The following TRAF3 variants were observed in gnomAD, a reference collection of about 807,000 sequenced individuals.
The protein encoded by TRAF3 is TNF receptor associated factor 3.
In TRAF3, 13 loss-of-function variants were observed where a neutral mutation model predicts 62.3. That is an observed-to-expected ratio of 0.21 (90% CI 0.14 to 0.33). The LOEUF is 0.33. TRAF3 is among the 10% of genes least tolerant of loss of function. The pLI, the probability that TRAF3 is intolerant of heterozygous loss-of-function variation, is 1.00. For missense variants in TRAF3, 440 were observed against 741.8 expected, an observed-to-expected ratio of 0.59 and a Z score of 4.73; for synonymous variants, 269 against 283.4, an observed-to-expected ratio of 0.95 and a Z score of 0.51.
intron 2 of TRAF3, among the ~76,000 whole-genome samples, chr14:102,856,439 G>A (rs966997822): frequency 6.6e-6 from 1 of 152,188 alleles, no homozygotes; most frequent in Admixed American, 6.5e-5. Context: ...GGTGCTGGTG[G>A]AAGTGTCTTT....
intron 1 of TRAF3, among the ~76,000 whole-genome samples, chr14:102,799,914 C>G (rs1898291962): frequency 6.6e-6 from 1 of 152,098 alleles, no homozygotes; most frequent in South Asian, 2.1e-4. Flanking sequence ...GCTGTGATCC[C>G]CAGAACCTGG....
At chr14:102,782,728 C>G (rs1897318002) in intron 1 of TRAF3, among the ~76,000 whole-genome samples, 1 of 151,452 alleles carries the variant, frequency 6.6e-6, no homozygotes, top group South Asian at 2.1e-4. Flanking sequence ...TAAATGGAGG[C>G]TATTTGGTGG....
At chr14:102,798,884 T>G (rs1359811608) in intron 1 of TRAF3, among the ~76,000 whole-genome samples, 1 of 152,200 alleles carries the variant, frequency 6.6e-6, no homozygotes, top group African/African-American at 2.4e-5. Context: ...AAATTCAGAC[T>G]GCCAGTTTCA....
At chr14:102,865,492 T>C (rs1195769187) in intron 2 of TRAF3, among the ~76,000 whole-genome samples, 2 of 151,186 alleles carry the variant, frequency 1.3e-5, no homozygotes. Flanking sequence ...CATAAGTTAA[T>C]CTGAATTTTT....
In TRAF3 at chr14:102,886,185, G is replaced by A. The variant is rs1404946208; in HGVS notation, c.571-4G>A. ...AAAGTTGATAGTACTTTCTCTCTCT[G>A]TAGAAACACGAAGACACCGACTGTC... On this transcript the variant is annotated splice_polypyrimidine_tract_variant and splice_region_variant and intron_variant, in intron 6 of 11. Transcript: ENST00000392745. 1.2e-6 allele frequency: 2 copies of A among 1,612,682 alleles called. No individual in the cohort carries two copies. Among genetic ancestry groups the A allele is most frequent in the African/African-American group, 2.7e-5 (2 of 74,848 alleles).
intron 1 of TRAF3, among the ~76,000 whole-genome samples, chr14:102,800,994 G>A (rs957639989): frequency 2.7e-5 from 4 of 147,250 alleles, no homozygotes; most frequent in South Asian, 2.2e-4. Flanking sequence ...GTGAAACCCC[G>A]TCTCTACTAA....
chr14:102,864,983 C>T (rs762407585), intron 2 of TRAF3, among the ~76,000 whole-genome samples: 1 of 152,222 alleles, frequency 6.6e-6, no homozygotes, highest in South Asian at 2.1e-4. Flanking sequence ...TAAAACTCTC[C>T]TTTGCTCAGG....
At chr14:102,882,748 G>A (rs1889143339) in intron 6 of TRAF3, among the ~76,000 whole-genome samples, 1 of 152,054 alleles carries the variant, frequency 6.6e-6, no homozygotes, top group African/African-American at 2.4e-5. Flanking sequence ...ATGTGCTGAG[G>A]ATGCATGGAA....
intron 1 of TRAF3, among the ~76,000 whole-genome samples, chr14:102,798,021 G>A (rs1474546119): frequency 2.6e-5 from 4 of 152,054 alleles, no homozygotes; most frequent in Non-Finnish European, 5.9e-5. Flanking sequence ...ACAGGTGTGA[G>A]CCACCACGCC....
At chr14:102,779,482 C>T (rs1300962249) in intron 1 of TRAF3, among the ~76,000 whole-genome samples, 1 of 152,084 alleles carries the variant, frequency 6.6e-6, no homozygotes, top group Non-Finnish European at 1.5e-5. Flanking sequence ...TATCCCTACT[C>T]TTGTTTGTGC....
At chr14:102,905,174 C>G in intron 11 of TRAF3, 39 bp from the exon 12 acceptor site, 1 of 1,586,834 alleles carries the variant, frequency 6.3e-7, no homozygotes, top group Non-Finnish European at 8.6e-7. Context: ...CTCTGACGTT[C>G]ACCTGTCTCA....
chr14:102,851,085 G>A (rs1266581502), intron 2 of TRAF3, among the ~76,000 whole-genome samples: 1 of 152,072 alleles, frequency 6.6e-6, no homozygotes, highest in South Asian at 2.1e-4. Flanking sequence ...ACATTAATTG[G>A]CAAGTTACTA....
rs534609635 is a variant in TRAF3 at position 102,907,636 on chromosome 14, C to A, written c.*1852C>A. On this transcript the variant is annotated 3_prime_UTR_variant, in exon 12 of 12. Transcript: ENST00000392745. ...CCTGCCTCGGCTCTCCCCGTGGCCG[C>A]GCGGGGACAGCTTGGTGGGTGCCCG... The A allele has an allele frequency of 2.0e-5, 3 of 152,298 alleles. No individual in the cohort carries two copies. Among genetic ancestry groups the A allele is most frequent in the African/African-American group, 7.2e-5 (3 of 41,458 alleles). The allele number at this position is 152,298 out of a possible 1,614,324, so 9.4% of individuals were successfully genotyped here.
At chr14:102,820,119 C>T (rs765723461) in intron 1 of TRAF3, among the ~76,000 whole-genome samples, 33 of 152,328 alleles carry the variant, frequency 2.2e-4, no homozygotes, top group Non-Finnish European at 1.5e-4. Context: ...CTGTCATCTC[C>T]CCCTTTCCTT....
chr14:102,851,571 C>T (rs965100750), intron 2 of TRAF3, among the ~76,000 whole-genome samples: 2 of 152,154 alleles, frequency 1.3e-5, no homozygotes, highest in African/African-American at 2.4e-5. Context: ...GGTGAAAGCC[C>T]GTCTCTACTA....
chr14:102,898,336 A>G (rs1231302858), intron 10 of TRAF3, among the ~76,000 whole-genome samples: 1 of 152,274 alleles, frequency 6.6e-6, no homozygotes, highest in Non-Finnish European at 1.5e-5. Context: ...TAGAAAAGGC[A>G]CAAGTCATTA....
intron 2 of TRAF3, among the ~76,000 whole-genome samples, chr14:102,842,309 A>G (rs1012480254): frequency 2.0e-5 from 3 of 148,042 alleles, no homozygotes; most frequent in Non-Finnish European, 4.5e-5. Context: ...AATAAAATAA[A>G]TTTATATATA....
At position 102,903,792 on chromosome 14, in the gene TRAF3, C is replaced by A. The variant is rs1273011476; in HGVS notation, c.1135+363C>A. The A allele has an allele frequency of 6.2e-6, 3 of 483,532 alleles. No homozygotes were observed. Among genetic ancestry groups the A allele is most frequent in the African/African-American group, 5.9e-5 (3 of 51,184 alleles). 30.0% of individuals were successfully genotyped at this position (483,532 alleles called of 1,614,324 possible). A position where few individuals can be genotyped will look rare whatever the true frequency, so the allele number is the denominator to read the frequency against. ...ACCTGCTGGTCGGGGCGCCCCAGAC[C>A]CCACTCCTAAGGGCCAGGGGGCAGC... On this transcript the variant is annotated intron_variant, in intron 11 of 11. Transcript: ENST00000392745. This position sits in a 1 kb window ranked among gnomAD's most constrained non-coding sequence, Gnocchi z 6.4.
At chr14:102,864,216 A>T (rs1469350767) in intron 2 of TRAF3, among the ~76,000 whole-genome samples, 1 of 141,066 alleles carries the variant, frequency 7.1e-6, no homozygotes, top group East Asian at 2.0e-4. Flanking sequence ...TGGCGCCATC[A>T]CGGCTCACTG....
Sources: gnomAD v4.1 joint callset for allele counts (sites outside exome capture counted in the v4.1 genomes callset) on GRCh38, gnomAD v4.1.1 for gene constraint, Gnocchi (gnomAD v3.1) non-coding constraint, MANE v1.5 for transcripts, NCBI Gene and HGNC (gene_info 2026-07-23, HGNC 2026-07-21) for gene names.